The following R3HCC1L variants were observed in gnomAD, a reference collection of about 807,000 sequenced individuals.
R3HCC1L encodes R3H domain and coiled-coil containing 1 like, also known as coiled-coil domain-containing protein R3HCC1L.
A neutral mutation model predicts 59.9 loss-of-function variants in R3HCC1L; 51 were observed. The observed-to-expected ratio is 0.85, with a 90% confidence interval of 0.68 to 1.07. R3HCC1L has a LOEUF of 1.07. Among genes scored for constraint, R3HCC1L ranks in the 50% least tolerant of loss-of-function variants. The pLI is 0.00. For missense variants in R3HCC1L, 965 were observed against 933.0 expected (o/e 1.03, Z -0.45); for synonymous variants, 322 against 315.2 (o/e 1.02, Z -0.23).
chr10:98,237,117 T>C (rs924802883), intron 9 of R3HCC1L, among the ~76,000 whole-genome samples: 2 of 152,190 alleles, frequency 1.3e-5, no homozygotes, highest in South Asian at 4.1e-4. Flanking sequence ...ACAGAGTGTG[T>C]CATGGCAGGT....
At chr10:98,228,075 A>G (rs1245095253) in intron 5 of R3HCC1L, among the ~76,000 whole-genome samples, 1 of 152,216 alleles carries the variant, frequency 6.6e-6, no homozygotes, top group African/African-American at 2.4e-5. Context: ...AGCATGATTT[A>G]TAATCCTTTG....
intron 7 of R3HCC1L, among the ~76,000 whole-genome samples, chr10:98,234,957 T>C (rs1005847633): frequency 6.6e-6 from 1 of 152,220 alleles, no homozygotes; most frequent in Non-Finnish European, 1.5e-5. Flanking sequence ...ATGATAGATC[T>C]GATGCAGAGG....
At chr10:98,196,135 A>G (rs1042753587) in intron 4 of R3HCC1L, among the ~76,000 whole-genome samples, 2 of 152,220 alleles carry the variant, frequency 1.3e-5, no homozygotes, top group Non-Finnish European at 2.9e-5. Context: ...GGTATGACAA[A>G]GCAGGTATTG....
chr10:98,148,950 T>A (rs1442207140), intron 1 of R3HCC1L, among the ~76,000 whole-genome samples: 2 of 152,142 alleles, frequency 1.3e-5, no homozygotes, highest in Non-Finnish European at 2.9e-5. Context: ...AGAATTGGTA[T>A]TCTTTGAATG....
intron 1 of R3HCC1L, 147 bp downstream of exon 1, chr10:98,134,853 C>T (rs1386582575): frequency 6.6e-6 from 1 of 152,256 alleles, no homozygotes; most frequent in East Asian, 1.9e-4. Context: ...GGGGCCGCCC[C>T]CTGCCTGGGG....
chr10:98,211,206 C>A, intron 5 of R3HCC1L: 1 of 672,956 alleles, frequency 1.5e-6, no homozygotes, highest in Non-Finnish European at 2.5e-6. Flanking sequence ...CAGTGATTTC[C>A]AAAGTATGGT....
At position 98,135,021 on chromosome 10, in the gene R3HCC1L, A is replaced by G. The variant is rs368198093; in HGVS notation, c.-268+315A>G. On this transcript the variant is annotated intron_variant, in intron 1 of 9. Transcript: ENST00000298999. ...AAGGACGTGCTTTTTCTGGGTTTCA[A>G]CAGGTATTGAGCGGGGTCCCTGGTT... is the stretch of plus-strand genomic sequence containing the variant. Among the ~76,000 whole-genome samples, 13 of 152,142 alleles carry G rather than the reference A, an allele frequency of 8.5e-5. No homozygotes were observed. In the South Asian group the frequency reaches 1.7e-3, roughly 19 times the overall value.
At chr10:98,184,171 G>T (rs917313931) in intron 4 of R3HCC1L, among the ~76,000 whole-genome samples, 1 of 151,910 alleles carries the variant, frequency 6.6e-6, no homozygotes, top group Non-Finnish European at 1.5e-5. Flanking sequence ...TTTAGGGTAG[G>T]ATTTAGTTTG....
intron 4 of R3HCC1L, among the ~76,000 whole-genome samples, chr10:98,173,641 C>T (rs879687077): frequency 1.6e-4 from 25 of 152,212 alleles, no homozygotes; most frequent in Admixed American, 6.5e-4. Context: ...TACCTGACAG[C>T]GGGCTGTGAT....
At chr10:98,241,229 A>G (rs367584834) in intron 9 of R3HCC1L, among the ~76,000 whole-genome samples, 39 of 152,266 alleles carry the variant, frequency 2.6e-4, no homozygotes, top group Middle Eastern at 3.4e-3. Context: ...CATGTTGTCT[A>G]TTGTTCTGTA....
intron 4 of R3HCC1L, among the ~76,000 whole-genome samples, chr10:98,183,969 T>C: frequency 6.6e-6 from 1 of 151,278 alleles, no homozygotes; most frequent in Non-Finnish European, 1.5e-5. Context: ...TTTTTTTTTT[T>C]TTTTGGTTGA....
chr10:98,143,049 T>C (rs1454846630), intron 1 of R3HCC1L, among the ~76,000 whole-genome samples: 3 of 152,346 alleles, frequency 2.0e-5, no homozygotes, highest in South Asian at 4.1e-4. Flanking sequence ...ACATTTACCA[T>C]ATTAACCTTT....
Position 98,221,214 on chromosome 10 carries a change from G to A in R3HCC1L, c.1786-10298G>A, listed in dbSNP as rs1479097247. 2.0e-5 allele frequency among the ~76,000 whole-genome samples: 3 copies of A among 151,740 alleles called. No homozygotes were observed. In the South Asian group the frequency reaches 6.2e-4, roughly 32 times the overall value. ...GTCTGTTCATGTCCTTCGCCCACTT[G>A]TTGATGGGGTTGTTTGTTTTTTTCT... On this transcript the variant is annotated intron_variant, in intron 5 of 9. Transcript: ENST00000298999.
At chr10:98,187,730 CTT>C (rs755546581) in intron 4 of R3HCC1L, among the ~76,000 whole-genome samples, 5 of 95,130 alleles carry the variant, frequency 5.3e-5, no homozygotes, top group African/African-American at 7.9e-5. Context: ...TGTAACAATT[CTT>C]TTTTTTTTTT....
In R3HCC1L at chr10:98,209,055, A is replaced by G; in HGVS notation, c.941A>G (p.His314Arg). 6.2e-7 allele frequency: 1 copy of G among 1,613,564 alleles called. No individual in the cohort carries two copies. Among genetic ancestry groups the G allele is most frequent in the Non-Finnish European group, 8.5e-7 (1 of 1,179,492 alleles). ...DTDSIPATMGHISLSESTNDT... is the reference protein window; with the variant it reads ...DTDSIPATMGRISLSESTNDT... ...GATTCCATTCCTGCAACTATGGGTC[A>G]CATCTCTCTGTCAGAGAGCACAAAT... is the stretch of plus-strand genomic sequence containing the variant. Residue 314 changes from histidine (H) to arginine (R), a missense_variant, in exon 5 of 10, where the codon CAC becomes CGC. By Grantham distance (29) the His-to-Arg change is conservative. Coordinates refer to ENST00000298999, the MANE Select transcript of R3HCC1L (RefSeq NM_001351015.2).
rs180704394 is a variant in R3HCC1L at position 98,163,311 on chromosome 10, A to T, written c.-101A>T. 1.1e-6 allele frequency: 1 copy of T among 876,822 alleles called. No homozygotes were observed. The highest frequency in any genetic ancestry group is 3.0e-5 in the East Asian group (1 of 33,254). The allele number at this position is 876,822 out of a possible 1,614,324, so 54.3% of individuals were successfully genotyped here. ...TTTTCAGGTGAGGCTGCTGTCAGAA[A>T]GGAACTTTTACACAGTTTGCCTTCA... On this transcript the variant is annotated 5_prime_UTR_variant, in exon 4 of 10. It adds an upstream start codon to the 5' untranslated region. Transcript: ENST00000298999.
At chr10:98,193,584 A>G (rs1271072029) in intron 4 of R3HCC1L, among the ~76,000 whole-genome samples, 1 of 152,154 alleles carries the variant, frequency 6.6e-6, no homozygotes, top group Non-Finnish European at 1.5e-5. Context: ...AAAACTATAA[A>G]ACATTGCTGA....
At chr10:98,214,753 T>G (rs1853972161) in intron 5 of R3HCC1L, among the ~76,000 whole-genome samples, 1 of 152,226 alleles carries the variant, frequency 6.6e-6, no homozygotes, top group African/African-American at 2.4e-5. Flanking sequence ...CCTTGACATA[T>G]AAGGACTCAG....
At chr10:98,169,377 A>G (rs1288850465) in intron 4 of R3HCC1L, among the ~76,000 whole-genome samples, 1 of 152,226 alleles carries the variant, frequency 6.6e-6, no homozygotes, top group Non-Finnish European at 1.5e-5. Context: ...TTTCTCCTAT[A>G]TAAAATTGGG....
Sources: allele counts gnomAD v4.1 joint callset (sites outside exome capture counted in the v4.1 genomes callset), GRCh38; gene constraint gnomAD v4.1.1; transcripts MANE v1.5; gene names NCBI Gene and HGNC (gene_info 2026-07-23, HGNC 2026-07-21).